SPTLC2: variants seen among roughly 807,000 people sequenced by gnomAD.
SPTLC2 encodes serine palmitoyltransferase long chain base subunit 2.
Under a neutral mutation model 62.0 loss-of-function variants are expected in SPTLC2, and 21 were observed. The observed-to-expected ratio is 0.34, with a 90% CI of 0.24 to 0.49. The LOEUF (loss-of-function observed/expected upper bound fraction) is 0.49, where lower values mean the gene tolerates loss of function less well. Ranked by LOEUF, SPTLC2 falls within the 20% of genes least tolerant of loss-of-function variation. The pLI is 0.99. For missense variants in SPTLC2, 511 were observed against 713.0 expected, an observed-to-expected ratio of 0.72 and a Z score of 3.23; for synonymous variants, 261 against 261.8, an observed-to-expected ratio of 1.00 and a Z score of 0.03.
chr14:77,555,051 G>C (rs1207364306), intron 8 of SPTLC2: 5 of 510,930 alleles, frequency 9.8e-6, no homozygotes, highest in Non-Finnish European at 1.8e-5. Context: ...TTTCACACAA[G>C]AGGGTATTCT....
At chr14:77,613,078 AACT>A (rs2140068800) in intron 1 of SPTLC2, among the ~76,000 whole-genome samples, 1 of 152,252 alleles carries the variant, frequency 6.6e-6, no homozygotes, top group South Asian at 2.1e-4. Flanking sequence ...CACACAAACA[AACT>A]ACTATATTTC....
At chr14:77,551,554 C>T (rs540161708) in intron 9 of SPTLC2, among the ~76,000 whole-genome samples, 77 of 152,264 alleles carry the variant, frequency 5.1e-4, no homozygotes, top group Middle Eastern at 3.4e-3. Context: ...AGTCAAATGT[C>T]AGAAAGTGAA....
At chr14:77,525,191 C>T (rs2079402942) in intron 9 of SPTLC2, among the ~76,000 whole-genome samples, 1 of 152,126 alleles carries the variant, frequency 6.6e-6, no homozygotes. Flanking sequence ...GGGGCTGAGG[C>T]AGGAGGATCT....
At chr14:77,603,346 C>G (rs1193051441) in intron 1 of SPTLC2, among the ~76,000 whole-genome samples, 1 of 152,338 alleles carries the variant, frequency 6.6e-6, no homozygotes, top group East Asian at 1.9e-4. Flanking sequence ...GTCCATTAAA[C>G]GAACCCTATT....
intron 5 of SPTLC2, among the ~76,000 whole-genome samples, chr14:77,563,342 T>C (rs1433381665): frequency 1.3e-5 from 2 of 152,110 alleles, no homozygotes; most frequent in Non-Finnish European, 2.9e-5. Flanking sequence ...TTTATCCAAA[T>C]CCATCCATGC....
chr14:77,554,393 T>A (rs1205285671), intron 8 of SPTLC2, among the ~76,000 whole-genome samples: 2 of 152,198 alleles, frequency 1.3e-5, no homozygotes, highest in South Asian at 2.1e-4. Flanking sequence ...GGAAACCTCA[T>A]ACCCATTAGC....
intron 10 of SPTLC2, among the ~76,000 whole-genome samples, chr14:77,519,721 T>G (rs2079376776): frequency 6.6e-6 from 1 of 152,160 alleles, no homozygotes; most frequent in African/African-American, 2.4e-5. Context: ...ACATTTGGCA[T>G]TACATTAATG....
At chr14:77,583,139 G>A (rs1297110273) in intron 2 of SPTLC2, among the ~76,000 whole-genome samples, 2 of 151,828 alleles carry the variant, frequency 1.3e-5, no homozygotes, top group African/African-American at 2.4e-5. Flanking sequence ...GGTTGGGGCT[G>A]TAGTGAGCCA....
In SPTLC2 at chr14:77,590,541, C is replaced by A. The variant is rs144656832; in HGVS notation, c.327+6645G>T. Among the ~76,000 whole-genome samples the A allele has an allele frequency of 4.7e-3, 713 of 152,190 alleles. 4 individuals carry two copies. Among genetic ancestry groups the A allele is most frequent in the African/African-American group, 0.016 (664 of 41,532 alleles). ...GACCAGCCTGGCCAACATGGCAAAG[C>A]CCTGTCTCTACTAAAAACACAAAAA... On this transcript the variant is annotated intron_variant, in intron 2 of 11. Coordinates refer to ENST00000216484, the MANE Select transcript of SPTLC2 (RefSeq NM_004863.4).
chr14:77,602,228 C>G (rs1217205918), intron 1 of SPTLC2, among the ~76,000 whole-genome samples: 1 of 152,226 alleles, frequency 6.6e-6, no homozygotes, highest in South Asian at 2.1e-4. Flanking sequence ...TTCCAGAACT[C>G]CACATTCGCA....
chr14:77,558,250 T>C (rs1203488641), intron 6 of SPTLC2, among the ~76,000 whole-genome samples: 1 of 152,156 alleles, frequency 6.6e-6, no homozygotes, highest in Non-Finnish European at 1.5e-5. Flanking sequence ...TTCACCATGT[T>C]GGCCAGGCTT....
Position 77,616,632 on chromosome 14 carries a change from G to A in SPTLC2, c.-53C>T, listed in dbSNP as rs2079970329. The A allele has an allele frequency of 3.3e-6, 5 of 1,515,994 alleles. No individual in the cohort carries two copies. The highest frequency in any genetic ancestry group is 4.4e-6 in the Non-Finnish European group (5 of 1,131,422). The allele number at this position is 1,515,994 out of a possible 1,614,324, so 93.9% of individuals were successfully genotyped here. ...GGCTCTGTAGGCGGTGGCAGCGGCG[G>A]CGGCTGCTCCAAGTCCCGCTCCGCA... On this transcript the variant is annotated 5_prime_UTR_variant, in exon 1 of 12. Coordinates refer to ENST00000216484, the MANE Select transcript of SPTLC2 (RefSeq NM_004863.4).
At chr14:77,518,254 CTT>C (rs2079368544) in intron 10 of SPTLC2, 87 bp from the exon 11 acceptor site, 1 of 1,584,678 alleles carries the variant, frequency 6.3e-7, no homozygotes, top group African/African-American at 1.4e-5. Context: ...GATTTCAACT[CTT>C]TGGTGATGCA....
chr14:77,551,179 G>A (rs911994247), intron 9 of SPTLC2, among the ~76,000 whole-genome samples: 52 of 152,120 alleles, frequency 3.4e-4, no homozygotes, highest in African/African-American at 1.2e-3. Context: ...GGATCACGAG[G>A]TCAGGAGATC....
intron 1 of SPTLC2, among the ~76,000 whole-genome samples, chr14:77,598,262 G>C (rs2079859030): frequency 6.6e-6 from 1 of 152,010 alleles, no homozygotes; most frequent in African/African-American, 2.4e-5. Flanking sequence ...GAGCAAGAAG[G>C]ACTGCATAAG....
At chr14:77,581,975 TA>T (rs1321398244) in intron 2 of SPTLC2, among the ~76,000 whole-genome samples, 1 of 152,036 alleles carries the variant, frequency 6.6e-6, no homozygotes, top group Non-Finnish European at 1.5e-5. Flanking sequence ...TTCATTCATG[TA>T]AAAAAGGGTA....
chr14:77,599,919 T>C (rs1210404389), intron 1 of SPTLC2, among the ~76,000 whole-genome samples: 1 of 152,192 alleles, frequency 6.6e-6, no homozygotes, highest in Non-Finnish European at 1.5e-5. Flanking sequence ...TATTTTGCCT[T>C]AAGAACTCTG....
At chr14:77,600,449 A>G (rs1337612357) in intron 1 of SPTLC2, among the ~76,000 whole-genome samples, 3 of 152,142 alleles carry the variant, frequency 2.0e-5, no homozygotes, top group Non-Finnish European at 4.4e-5. Context: ...AAATCACTTC[A>G]CCTTTAAGAA....
chr14:77,512,951 A>G (rs1285779786), intron 11 of SPTLC2, among the ~76,000 whole-genome samples: 2 of 149,658 alleles, frequency 1.3e-5, no homozygotes, highest in African/African-American at 2.4e-5. Flanking sequence ...CCCAACCTCA[A>G]GTGATCCACC....
Sources: gnomAD v4.1 joint callset for allele counts (sites outside exome capture counted in the v4.1 genomes callset) on GRCh38, gnomAD v4.1.1 for gene constraint, MANE v1.5 for transcripts, NCBI Gene and HGNC (gene_info 2026-07-23, HGNC 2026-07-21) for gene names.